DHCR24: variants seen among roughly 807,000 people sequenced by gnomAD.
The protein encoded by DHCR24 is delta(24)-sterol reductase.
DHCR24 carries 28 observed loss-of-function variants against 61.2 expected under a neutral mutation model. That is an observed-to-expected ratio of 0.46 (90% confidence interval 0.34 to 0.63). DHCR24 has a LOEUF of 0.63. DHCR24 is among the 20% of genes least tolerant of loss of function. DHCR24 has a pLI of 0.01. For missense variants in DHCR24, 538 were observed against 679.1 expected (o/e 0.79, Z 2.31); for synonymous variants, 261 against 275.9 (o/e 0.95, Z 0.54).
chr1:54,853,492 G>A lies in DHCR24; in HGVS notation c.1339C>T (p.His447Tyr). The change falls in exon 8 of 9, where the codon CAC (histidine) becomes TAC (tyrosine). Residue 447 changes from histidine to tyrosine, a missense_variant. His to Tyr is a moderately conservative substitution (Grantham distance 83, BLOSUM62 2). Coordinates refer to ENST00000371269, the MANE Select transcript of DHCR24 (RefSeq NM_014762.4). ...IGAYGEPRVK[H>Y]FEARSCMRQL... is the part of the protein sequence containing the mutation. ...CTCATGCAGGACCTGGCTTCAAAGTGTTTCACACGCGGCTCCCCATATGCT... is the reference window on the plus strand; with the variant it reads ...CTCATGCAGGACCTGGCTTCAAAGTATTTCACACGCGGCTCCCCATATGCT... The A allele has an allele frequency of 1.9e-6, 3 of 1,614,192 alleles. No individual in the cohort carries two copies. Among genetic ancestry groups the A allele is most frequent in the Non-Finnish European group, 1.7e-6 (2 of 1,180,022 alleles).
At position 54,871,446 on chromosome 1, in the gene DHCR24, C is replaced by T; in HGVS notation, c.780G>A (p.Gln260=). 1 of 1,614,222 alleles carries T rather than the reference C, an allele frequency of 6.2e-7. No individual in the cohort carries two copies. Among genetic ancestry groups the T allele is most frequent in the Non-Finnish European group, 8.5e-7 (1 of 1,180,040 alleles). Residue 260 remains glutamine (Q), a synonymous_variant, in exon 5 of 9, where the codon CAG becomes CAA. Coordinates refer to ENST00000371269, the MANE Select transcript of DHCR24 (RefSeq NM_014762.4). Reference sequence around the variant, plus strand: ...CTTCCACGAAGTGGTTCTCCTGCCGCTGGGACTCGTGGGTGAACTTGGCAC... The same window carrying T: ...CTTCCACGAAGTGGTTCTCCTGCCGTTGGGACTCGTGGGTGAACTTGGCAC... The part of the protein sequence containing the change: ...AICAKFTHES[Q]RQENHFVEGL...
Position 54,883,729 on chromosome 1 carries a change from C to T in DHCR24, c.276G>A (p.Thr92=), listed in dbSNP as rs759798276. Residue 92 remains threonine (T), a synonymous_variant, in exon 2 of 9, where the codon ACG becomes ACA. Coordinates refer to ENST00000371269, the MANE Select transcript of DHCR24 (RefSeq NM_014762.4). The surrounding 1 kb of genome is among the most constrained non-coding windows in gnomAD (Gnocchi z 4.3). The part of the protein sequence containing the change: ...KEQGSKTFMC[T]GRPGWLTVSL... ...AGACAGTGAGCCAGCCAGGGCGCCC[C>T]GTGCACATGAAGGTCTTGCTACCCT... The T allele has an allele frequency of 1.6e-5, 26 of 1,614,094 alleles. No homozygotes were observed. The highest frequency in any genetic ancestry group is 1.4e-4 in the South Asian group (13 of 91,090).
At chr1:54,877,814 C>T (rs1647041678) in intron 2 of DHCR24, among the ~76,000 whole-genome samples, 1 of 151,720 alleles carries the variant, frequency 6.6e-6, no homozygotes, top group South Asian at 2.1e-4. Context: ...AGTTCAAGAC[C>T]AGCCCGACAA....
intron 2 of DHCR24, among the ~76,000 whole-genome samples, chr1:54,880,907 G>C (rs1647060699): frequency 6.6e-6 from 1 of 152,226 alleles, no homozygotes; most frequent in Admixed American, 6.5e-5. Context: ...CTAGCACTTT[G>C]GGAGGCCAAG....
In DHCR24 at chr1:54,872,124, C is replaced by T. The variant is rs1478576112; in HGVS notation, c.613-511G>A. Among the ~76,000 whole-genome samples, 6 of 152,096 alleles carry T rather than the reference C, an allele frequency of 3.9e-5. No homozygotes were observed. In the South Asian group the frequency reaches 1.2e-3, roughly 31 times the overall value. On this transcript the variant is annotated intron_variant, in intron 4 of 8. Coordinates refer to ENST00000371269, the MANE Select transcript of DHCR24 (RefSeq NM_014762.4). ...ACAGAGCCCAGGGAGAGCGCTAGCA[C>T]CCCCTTATGACAAGTAAAGAAACTG...
At chr1:54,876,116 C>T in intron 2 of DHCR24, 69 bp from the exon 3 acceptor site, 3 of 1,208,112 alleles carry the variant, frequency 2.5e-6, no homozygotes, top group Non-Finnish European at 3.7e-6. Flanking sequence ...CTGCTGCACA[C>T]AGAAGGTGTC....
intron 5 of DHCR24, among the ~76,000 whole-genome samples, chr1:54,870,081 A>G (rs996345561): frequency 2.0e-5 from 3 of 151,380 alleles, no homozygotes; most frequent in African/African-American, 7.3e-5. Context: ...TTTTAACTGG[A>G]CATGGTGGCA....
chr1:54,879,322 G>GGGAAA lies in DHCR24; in HGVS notation c.388-3276_388-3275insTTTCC, dbSNP rs1647052099. On this transcript the variant is annotated intron_variant, in intron 2 of 8. Transcript: ENST00000371269. ...TGGAGGACAGAGCAAGACTCCATCT[G>GGGAAA]AAAAAAAAAAAAAAAAAAAAAAAAA... 1.1e-4 allele frequency among the ~76,000 whole-genome samples: 12 copies of GGGAAA among 108,502 alleles called. 5 individuals are homozygous for GGGAAA. The highest frequency in any genetic ancestry group is 4.4e-4 in the Admixed American group (4 of 9,102). The allele number at this position is 108,502 out of a possible 152,430, so 71.2% of individuals were successfully genotyped here.
chr1:54,867,630 G>A (rs1407945036), intron 5 of DHCR24, among the ~76,000 whole-genome samples: 2 of 152,234 alleles, frequency 1.3e-5, no homozygotes, highest in East Asian at 3.9e-4. Flanking sequence ...GCCACTTTGG[G>A]TACAGTGGGG....
At position 54,883,382 on chromosome 1, in the gene DHCR24, C is replaced by A. The variant is rs1010403400; in HGVS notation, c.387+236G>T. 1.3e-5 allele frequency among the ~76,000 whole-genome samples: 2 copies of A among 152,128 alleles called. No homozygotes were observed. Among genetic ancestry groups the A allele is most frequent in the African/African-American group, 4.8e-5 (2 of 41,422 alleles). On this transcript the variant is annotated intron_variant, in intron 2 of 8. Coordinates refer to ENST00000371269, the MANE Select transcript of DHCR24 (RefSeq NM_014762.4). This position sits in a 1 kb window ranked among gnomAD's most constrained non-coding sequence, Gnocchi z 4.3. Reference sequence around the variant, plus strand: ...GCCTCTCATTTTTGCTCACGAATTCCCCATTCCTGACTTCCTGTGGAAACG... The same window carrying A: ...GCCTCTCATTTTTGCTCACGAATTCACCATTCCTGACTTCCTGTGGAAACG...
At position 54,871,467 on chromosome 1, in the gene DHCR24, G is replaced by C; in HGVS notation, c.759C>G (p.Ala253=). 1 of 1,614,198 alleles carries C rather than the reference G, an allele frequency of 6.2e-7. No individual in the cohort carries two copies. Among genetic ancestry groups the C allele is most frequent in the Non-Finnish European group, 8.5e-7 (1 of 1,180,030 alleles). ...EPVRGLEAIC[A]KFTHESQRQE... ...GCCGCTGGGACTCGTGGGTGAACTTGGCACAGATAGCCTCCAGGCCCCGCA... is the reference window on the plus strand; with the variant it reads ...GCCGCTGGGACTCGTGGGTGAACTTCGCACAGATAGCCTCCAGGCCCCGCA... Residue 253 remains alanine (A), a synonymous_variant, in exon 5 of 9, where the codon GCC becomes GCG. Coordinates refer to ENST00000371269, the MANE Select transcript of DHCR24 (RefSeq NM_014762.4).
chr1:54,854,139 C>T lies in DHCR24; in HGVS notation c.1116G>A (p.Glu372=), dbSNP rs373492599. ...KISLLKLTQG[E]TLRKLYEQHH... ...GCTGCTCGTACAGCTTGCGCAGGGT[C>T]TCACCCTGGGTCAGCTTCAGGAGGG... is the stretch of plus-strand genomic sequence containing the variant. The change falls in exon 7 of 9, where the codon GAG becomes GAA. Residue 372 remains glutamate (E), a synonymous_variant. Transcript: ENST00000371269. 1.9e-6 allele frequency: 3 copies of T among 1,613,968 alleles called. No individual in the cohort carries two copies. The highest frequency in any genetic ancestry group is 2.5e-6 in the Non-Finnish European group (3 of 1,179,972).
At position 54,853,573 on chromosome 1, in the gene DHCR24, G is replaced by C. The variant is rs1333433960; in HGVS notation, c.1258C>G (p.Gln420Glu). Residue 420 changes from glutamine to glutamate, a missense_variant, in exon 8 of 9, where the codon CAG (glutamine) becomes GAG (glutamate). Transcript: ENST00000371269. ...CCTTTGGGGTGCACTAGGCCTGGCT[G>C]GCTGGGCAGGATGAACGGACACAGC... ...IWLCPFILPS[Q>E]PGLVHPKGNE... is the part of the protein sequence containing the mutation. The C allele has an allele frequency of 3.7e-6, 6 of 1,614,112 alleles. No individual in the cohort carries two copies. Among genetic ancestry groups the C allele is most frequent in the South Asian group, 1.1e-5 (1 of 91,034 alleles).
intron 8 of DHCR24, 118 bp from the exon 9 acceptor site, chr1:54,852,504 T>A: frequency 9.3e-7 from 1 of 1,077,086 alleles, no homozygotes; most frequent in Non-Finnish European, 1.4e-6. Flanking sequence ...TTCTCTTGTT[T>A]AACCCCGTTA....
intron 6 of DHCR24, among the ~76,000 whole-genome samples, chr1:54,862,935 G>T (rs1646946611): frequency 6.6e-6 from 1 of 152,084 alleles, no homozygotes. Context: ...AATTAGCTGG[G>T]CGTAGTGGTG....
chr1:54,858,805 T>A (rs1174022440), intron 6 of DHCR24, among the ~76,000 whole-genome samples: 2 of 152,016 alleles, frequency 1.3e-5, no homozygotes, highest in Non-Finnish European at 2.9e-5. Context: ...TCTGGCTAAT[T>A]TTGTATTTTT....
At chr1:54,874,785 C>A (rs1268650672) in intron 4 of DHCR24, among the ~76,000 whole-genome samples, 2 of 151,988 alleles carry the variant, frequency 1.3e-5, no homozygotes, top group African/African-American at 2.4e-5. Flanking sequence ...TCTCTCTGAG[C>A]TTTAGTTTCC....
chr1:54,860,392 CTTG>C (rs766167589), intron 6 of DHCR24, among the ~76,000 whole-genome samples: 6 of 152,278 alleles, frequency 3.9e-5, no homozygotes, highest in Non-Finnish European at 5.9e-5. Context: ...CTCTCCCCTC[CTTG>C]TTAACTAGAA....
Position 54,854,028 on chromosome 1 carries a change from C to A in DHCR24, c.1218+9G>T, listed in dbSNP as rs112191230. The A allele has an allele frequency of 2.9e-5, 47 of 1,610,328 alleles. No homozygotes were observed. In the African/African-American group the frequency reaches 4.3e-4, roughly 15 times the overall value. On this transcript the variant is annotated intron_variant, in intron 7 of 8. Transcript: ENST00000371269. ...ACCTGGTGCGCCCTCCCTGCCCTGC[C>A]CCACTCACGTGGATGTCGTTTTGGA...
Sources: allele counts gnomAD v4.1 joint callset (sites outside exome capture counted in the v4.1 genomes callset), GRCh38; gene constraint gnomAD v4.1.1; non-coding constraint Gnocchi (gnomAD v3.1); transcripts MANE v1.5; gene names NCBI Gene and HGNC (gene_info 2026-07-23, HGNC 2026-07-21).